NDRG4: variants seen among roughly 807,000 people sequenced by gnomAD.
NDRG4 encodes the protein protein NDRG4.
A neutral mutation model predicts 55.8 loss-of-function variants in NDRG4; 38 were observed. The observed-to-expected ratio is 0.68, with a 90% CI of 0.53 to 0.89. NDRG4 has a LOEUF of 0.89. Ranked by LOEUF, NDRG4 falls within the 40% of genes least tolerant of loss-of-function variation. NDRG4 has a pLI of 0.00. For missense variants in NDRG4, 455 were observed against 468.6 expected, an observed-to-expected ratio of 0.97 and a Z score of 0.27; for synonymous variants, 190 against 182.7, an observed-to-expected ratio of 1.04 and a Z score of -0.32.
At position 58,505,713 on chromosome 16, in the gene NDRG4, C is replaced by CTTTTTTTTTTTTTTTTTTTTTTTTTT. The variant is rs1028370131; in HGVS notation, c.373-673_373-648dup. On this transcript the variant is annotated intron_variant, in intron 5 of 14. Transcript: ENST00000570248. ...ATTTATATCATGAGGGCTTCATTTT[C>CTTTTTTTTTTTTTTTTTTTTTTTTTT]TTTTTTTTTTTTTTTTTTTTTTTTT... Among the ~76,000 whole-genome samples the CTTTTTTTTTTTTTTTTTTTTTTTTTT allele has an allele frequency of 2.0e-4, 12 of 58,660 alleles. 1 individual carries two copies. Among genetic ancestry groups the CTTTTTTTTTTTTTTTTTTTTTTTTTT allele is most frequent in the African/African-American group, 7.7e-4 (10 of 13,054 alleles). The allele number at this position is 58,660 out of a possible 152,430, so 38.5% of individuals were successfully genotyped here. A position where few individuals can be genotyped will look rare whatever the true frequency, so the allele number is the denominator to read the frequency against.
chr16:58,494,837 A>AAC, intron 2 of NDRG4: 1 of 768,742 alleles, frequency 1.3e-6, no homozygotes, highest in Non-Finnish European at 2.1e-6. Context: ...GTCTCTAAAA[A>AAC]AAAAAAAAAA....
intron 2 of NDRG4, 119 bp from the exon 3 acceptor site, chr16:58,504,035 T>C: frequency 6.3e-7 from 1 of 1,575,230 alleles, no homozygotes; most frequent in Admixed American, 1.7e-5. Context: ...CCTCCGGGCC[T>C]CCATTTCCCC....
chr16:58,494,872 T>A, intron 2 of NDRG4: 13 of 951,646 alleles, frequency 1.4e-5, no homozygotes, highest in Non-Finnish European at 1.8e-5. Flanking sequence ...AAAGACAGAC[T>A]AGGGGACAGA....
At position 58,503,902 on chromosome 16, in the gene NDRG4, C is replaced by T; in HGVS notation, c.126C>T (p.Asn42=). 1 of 1,613,662 alleles carries T rather than the reference C, an allele frequency of 6.2e-7. No individual in the cohort carries two copies. The highest frequency in any genetic ancestry group is 8.5e-7 in the Non-Finnish European group (1 of 1,179,976). Residue 42 remains asparagine (N), a splice_region_variant and synonymous_variant, in exon 2 of 15, where the codon AAC becomes AAT. Coordinates refer to ENST00000570248, the MANE Select transcript of NDRG4 (RefSeq NM_001242835.2). ...AILTYHDVGL[N]HKLCFNTFFN... is the part of the protein sequence containing the mutation. ...TCACCTACCATGATGTGGGCCTCAA[C>T]CGTAAGTGCAGCCCAGCCTCAGTCA... is the stretch of plus-strand genomic sequence containing the variant.
At chr16:58,492,559 A>AGACAGACG (rs1291983195) in intron 2 of NDRG4, among the ~76,000 whole-genome samples, 1 of 134,512 alleles carries the variant, frequency 7.4e-6, no homozygotes, top group African/African-American at 2.8e-5. Flanking sequence ...TGTGAGAGAC[A>AGACAGACG]GACAGACAGT....
intron 3 of NDRG4, chr16:58,495,079 C>T (rs969770338): frequency 1.3e-6 from 2 of 1,503,358 alleles, no homozygotes; most frequent in African/African-American, 2.8e-5. Context: ...CTGGCCAGGT[C>T]CCAGAGGAGG....
At chr16:58,482,709 T>TTCCTCCCTTCCTCCC (rs1567580817) in intron 1 of NDRG4, among the ~76,000 whole-genome samples, 1 of 17,452 alleles carries the variant, frequency 5.7e-5, no homozygotes, top group Non-Finnish European at 2.6e-4. Flanking sequence ...CCCTCCCTCC[T>TTCCTCCCTTCCTCCC]TTCCTTCCTC....
chr16:58,501,683 C>G (rs2037134573), intron 1 of NDRG4: 1 of 263,732 alleles, frequency 3.8e-6, no homozygotes, highest in Non-Finnish European at 7.8e-6. Context: ...GGACAGGTAG[C>G]CCGGTGACGC....
At chr16:58,487,709 C>T in intron 1 of NDRG4, 3 of 1,418,880 alleles carry the variant, frequency 2.1e-6, no homozygotes, top group Non-Finnish European at 2.8e-6. Flanking sequence ...CTTCTCCGCC[C>T]GGGCGTCCCC....
chr16:58,492,661 C>G (rs897457238), intron 2 of NDRG4, among the ~76,000 whole-genome samples: 1 of 152,100 alleles, frequency 6.6e-6, no homozygotes, highest in African/African-American at 2.4e-5. Flanking sequence ...CTTGCCTCGG[C>G]CTTCCAAAGT....
chr16:58,500,343 A>G, intron 1 of NDRG4, 74 bp downstream of exon 1: 1 of 1,510,562 alleles, frequency 6.6e-7, no homozygotes, highest in East Asian at 2.5e-5. Context: ...GCAGGGAGGA[A>G]GTGCCCCCCT....
rs2037555290 is a variant in NDRG4, at chr16:58,504,292, C to T, written c.248+18C>T. On this transcript the variant is annotated intron_variant, in intron 3 of 14. Coordinates refer to ENST00000570248, the MANE Select transcript of NDRG4 (RefSeq NM_001242835.2). ...CCTCAGGGGTAGGTACCCTGAGCCC[C>T]CTCTGCCTGTCTCCAGCTCTGCACC... The T allele has an allele frequency of 1.2e-6, 2 of 1,614,068 alleles. No individual in the cohort carries two copies. Among genetic ancestry groups the T allele is most frequent in the Admixed American group, 1.7e-5 (1 of 60,028 alleles).
In NDRG4 at chr16:58,513,393, A is replaced by G. The variant is rs2039001357; in HGVS notation, c.*1817A>G. The G allele has an allele frequency of 6.6e-6, 1 of 152,206 alleles. No homozygotes were observed. Among genetic ancestry groups the G allele is most frequent in the Non-Finnish European group, 1.5e-5 (1 of 68,040 alleles). 9.4% of individuals were successfully genotyped at this position (152,206 alleles called of 1,614,324 possible). On this transcript the variant is annotated 3_prime_UTR_variant, in exon 15 of 15. Transcript: ENST00000570248. ...TAGAAAGAGTTAACTGTGCTGAAAA[A>G]CTAATAAAGAACCTAAGAAGAATTC...
rs1316076757 is a variant in NDRG4, at chr16:58,464,715, C to G, written c.-24+918C>G. On this transcript the variant is annotated intron_variant, in intron 1 of 15. Coordinates refer to the NDRG4 transcript ENST00000258187. The surrounding 1 kb of genome is among the most constrained non-coding windows in gnomAD (Gnocchi z 4.8). ...CGGTCAGGGGGTGGCCCCATGGGGT[C>G]TCTGACCAGCGGAGCTCGGATTAGG... is the stretch of plus-strand genomic sequence containing the variant. 8.8e-6 allele frequency: 11 copies of G among 1,250,228 alleles called. No homozygotes were observed. The highest frequency in any genetic ancestry group is 1.1e-5 in the Non-Finnish European group (11 of 990,820). 77.4% of individuals were successfully genotyped at this position (1,250,228 alleles called of 1,614,324 possible).
intron 1 of NDRG4, among the ~76,000 whole-genome samples, chr16:58,469,278 G>T (rs1167578838): frequency 6.6e-6 from 1 of 152,092 alleles, no homozygotes; most frequent in African/African-American, 2.4e-5. Flanking sequence ...CTTCACTGGG[G>T]TGCTGTGATG....
chr16:58,473,163 A>G (rs2033114369), intron 1 of NDRG4, among the ~76,000 whole-genome samples: 1 of 151,698 alleles, frequency 6.6e-6, no homozygotes, highest in Admixed American at 6.6e-5. Context: ...TCTTCCCTTC[A>G]TTTCTTTCTT....
chr16:58,508,113 C>T, intron 10 of NDRG4, 114 bp downstream of exon 10: 1 of 920,970 alleles, frequency 1.1e-6, no homozygotes, highest in South Asian at 1.9e-5. Flanking sequence ...CCAGGGCCAG[C>T]AGTGGACGGT....
chr16:58,493,925 A>G (rs1200727533), intron 2 of NDRG4, among the ~76,000 whole-genome samples: 2 of 152,118 alleles, frequency 1.3e-5, no homozygotes, highest in Non-Finnish European at 2.9e-5. Flanking sequence ...GCACAGCCAG[A>G]GCCAGGCCCC....
At chr16:58,501,394 C>T (rs953454611) in intron 1 of NDRG4, 6 of 269,804 alleles carry the variant, frequency 2.2e-5, no homozygotes, top group African/African-American at 4.4e-5. Flanking sequence ...GCCACAGCCC[C>T]CTCCCCTGCT....
Sources: allele counts gnomAD v4.1 joint callset (sites outside exome capture counted in the v4.1 genomes callset), GRCh38; gene constraint gnomAD v4.1.1; non-coding constraint Gnocchi (gnomAD v3.1); transcripts MANE v1.5; gene names NCBI Gene and HGNC (gene_info 2026-07-23, HGNC 2026-07-21).